Variants in EXOC6B observed in about 807,000 individuals in gnomAD.
The protein encoded by EXOC6B is SEC15 homolog B.
EXOC6B carries 54 observed loss-of-function variants against 113.5 expected under a neutral mutation model. The ratio of observed to expected loss-of-function variants is 0.48; its 90% CI spans 0.38 to 0.60. EXOC6B has a LOEUF of 0.60. Ranked by LOEUF, EXOC6B falls within the 20% of genes least tolerant of loss-of-function variation. The pLI is 0.00. For synonymous variants in EXOC6B, 357 were observed against 339.0 expected, an observed-to-expected ratio of 1.05 and a Z score of -0.58; for missense variants, 797 against 977.5, an observed-to-expected ratio of 0.82 and a Z score of 2.46.
intron 11 of EXOC6B, among the ~76,000 whole-genome samples, chr2:72,510,977 A>T (rs1700865741): frequency 6.6e-6 from 1 of 152,132 alleles, no homozygotes; most frequent in Non-Finnish European, 1.5e-5. Flanking sequence ...ACACAAAAAC[A>T]TGTAAAAAAC....
intron 6 of EXOC6B, among the ~76,000 whole-genome samples, chr2:72,688,373 A>G (rs1311718357): frequency 1.3e-5 from 2 of 152,228 alleles, no homozygotes; most frequent in Non-Finnish European, 2.9e-5. Flanking sequence ...TATGTTATCA[A>G]GCAAGTTAGG....
chr2:72,373,258 T>C (rs1014976366), intron 19 of EXOC6B, among the ~76,000 whole-genome samples: 1 of 151,986 alleles, frequency 6.6e-6, no homozygotes, highest in South Asian at 2.1e-4. Context: ...TTTCACCATA[T>C]TGGCCTGACT....
At position 72,379,718 on chromosome 2, in the gene EXOC6B, C is replaced by G; in HGVS notation, c.2122+11G>C. 1.9e-6 allele frequency: 3 copies of G among 1,602,242 alleles called. No homozygotes were observed. Among genetic ancestry groups the G allele is most frequent in the Non-Finnish European group, 2.6e-6 (3 of 1,172,804 alleles). On this transcript the variant is annotated intron_variant, in intron 19 of 21. Coordinates refer to ENST00000272427, the MANE Select transcript of EXOC6B (RefSeq NM_015189.3). ...TAAGATAAACAAGCACAGGGATGGT[C>G]ACTGTCTTACGTTCACATTCTCTGA...
chr2:72,706,221 A>T (rs1160951846), intron 6 of EXOC6B, among the ~76,000 whole-genome samples: 1 of 152,166 alleles, frequency 6.6e-6, no homozygotes. Flanking sequence ...TTGTGAACAG[A>T]TTTCTGGAGG....
intron 18 of EXOC6B, among the ~76,000 whole-genome samples, chr2:72,412,055 T>C (rs1003855114): frequency 2.6e-5 from 4 of 152,034 alleles, no homozygotes; most frequent in African/African-American, 7.2e-5. Flanking sequence ...TATACTATCA[T>C]TGAAATTTAA....
chr2:72,681,319 T>C (rs1676684663), intron 6 of EXOC6B, among the ~76,000 whole-genome samples: 1 of 152,198 alleles, frequency 6.6e-6, no homozygotes, highest in Non-Finnish European at 1.5e-5. Flanking sequence ...CTCAGTCTGA[T>C]GCAGGTGCCG....
At chr2:72,692,999 G>C (rs747392470) in intron 6 of EXOC6B, among the ~76,000 whole-genome samples, 5 of 152,078 alleles carry the variant, frequency 3.3e-5, no homozygotes, top group Non-Finnish European at 7.4e-5. Flanking sequence ...TCAAAAATAT[G>C]GTTTAGAAAT....
intron 2 of EXOC6B, 143 bp from the exon 3 acceptor site, chr2:72,733,261 T>G: frequency 1.5e-6 from 1 of 651,312 alleles, no homozygotes; most frequent in Non-Finnish European, 2.7e-6. Flanking sequence ...AGTGGCATTC[T>G]CTTGGGTTTA....
chr2:72,409,585 G>C (rs970832991), intron 18 of EXOC6B, among the ~76,000 whole-genome samples: 2 of 152,098 alleles, frequency 1.3e-5, no homozygotes, highest in Non-Finnish European at 2.9e-5. Flanking sequence ...GATGAAGCTG[G>C]AAACCATCAT....
intron 1 of EXOC6B, among the ~76,000 whole-genome samples, chr2:72,759,349 T>C (rs1336882877): frequency 6.6e-6 from 1 of 152,232 alleles, no homozygotes; most frequent in Non-Finnish European, 1.5e-5. Context: ...TTAGCTCCTA[T>C]TAACAGCCTA....
At chr2:72,265,712 AT>A (rs1471878138) in intron 20 of EXOC6B, among the ~76,000 whole-genome samples, 2 of 151,852 alleles carry the variant, frequency 1.3e-5, no homozygotes, top group Non-Finnish European at 2.9e-5. Context: ...CGCAATAAAC[AT>A]ATGTGTGCAT....
chr2:72,312,302 CT>C (rs34170912), intron 20 of EXOC6B, among the ~76,000 whole-genome samples: 15,954 of 143,270 alleles, frequency 0.11, 949 homozygotes, highest in Non-Finnish European at 0.15. Flanking sequence ...GTTGTCAATA[CT>C]TTTTTTTTTT....
At chr2:72,430,162 TAC>T (rs1274296010) in intron 18 of EXOC6B, among the ~76,000 whole-genome samples, 1 of 152,230 alleles carries the variant, frequency 6.6e-6, no homozygotes, top group African/African-American at 2.4e-5. Flanking sequence ...TCTTATTACT[TAC>T]AGAGTTTTAT....
chr2:72,481,994 TTATTA>T (rs1699125440), intron 16 of EXOC6B, among the ~76,000 whole-genome samples: 1 of 152,214 alleles, frequency 6.6e-6, no homozygotes, highest in Non-Finnish European at 1.5e-5. Flanking sequence ...AACTTCCATT[TTATTA>T]TAACAGAAAT....
chr2:72,615,582 T>C (rs1218812138), intron 6 of EXOC6B, among the ~76,000 whole-genome samples: 3 of 145,992 alleles, frequency 2.1e-5, no homozygotes, highest in African/African-American at 7.6e-5. Context: ...GCGGTAATGC[T>C]GATATTAAAA....
At chr2:72,208,311 C>T (rs1258353560) in intron 20 of EXOC6B, among the ~76,000 whole-genome samples, 1 of 151,900 alleles carries the variant, frequency 6.6e-6, no homozygotes, top group Non-Finnish European at 1.5e-5. Context: ...ATGTTTTGTT[C>T]CCACTTATAA....
At chr2:72,800,572 T>C (rs1685222007) in intron 1 of EXOC6B, among the ~76,000 whole-genome samples, 4 of 152,174 alleles carry the variant, frequency 2.6e-5, no homozygotes, top group African/African-American at 9.7e-5. Context: ...GACTACAAGA[T>C]AGACATCATT....
intron 18 of EXOC6B, among the ~76,000 whole-genome samples, chr2:72,381,203 T>C (rs557890232): frequency 6.6e-6 from 1 of 152,284 alleles, no homozygotes; most frequent in Non-Finnish European, 1.5e-5. Context: ...TATAATATTA[T>C]GTAGGTCCTT....
intron 6 of EXOC6B, among the ~76,000 whole-genome samples, chr2:72,695,475 A>G (rs1160907568): frequency 6.6e-6 from 1 of 152,228 alleles, no homozygotes; most frequent in Non-Finnish European, 1.5e-5. Context: ...AGTATTCTTT[A>G]AGGTTTTTTT....
Sources: allele counts gnomAD v4.1 joint callset (sites outside exome capture counted in the v4.1 genomes callset), GRCh38; gene constraint gnomAD v4.1.1; transcripts MANE v1.5; gene names NCBI Gene and HGNC (gene_info 2026-07-23, HGNC 2026-07-21).